The following IAH1 variants were observed in gnomAD, a reference collection of about 807,000 sequenced individuals.
IAH1 encodes isoamyl acetate hydrolyzing esterase 1 (putative), also known as isoamyl acetate-hydrolyzing esterase 1 homolog.
A neutral mutation model predicts 26.7 loss-of-function variants in IAH1; 24 were observed. The observed-to-expected ratio is 0.90, with a 90% CI of 0.65 to 1.26. The LOEUF (loss-of-function observed/expected upper bound fraction) is 1.26, where lower values mean the gene tolerates loss of function less well. Ranked by LOEUF, IAH1 falls within the 50% of genes most tolerant of loss-of-function variation. IAH1 has a pLI of 0.00. For synonymous variants in IAH1, 140 were observed against 118.5 expected, an observed-to-expected ratio of 1.18 and a Z score of -1.18; for missense variants, 300 against 299.9, an observed-to-expected ratio of 1.00 and a Z score of 0.00.
chr2:9,493,856 T>C, downstream of IAH1: 1 of 1,559,566 alleles, frequency 6.4e-7, no homozygotes, highest in Non-Finnish European at 8.8e-7. Flanking sequence ...TACAGCATCA[T>C]TCCCAAACAC....
At chr2:9,498,902 G>C (rs1662810981), downstream of IAH1, among the ~76,000 whole-genome samples, 1 of 152,144 alleles carries the variant, frequency 6.6e-6, no homozygotes, top group Non-Finnish European at 1.5e-5. Flanking sequence ...TCTGAAAATG[G>C]TATCATCTAT....
At position 9,488,925 on chromosome 2, in the gene IAH1, TG is replaced by T. The variant is rs1661827512; in HGVS notation, c.*598del. 6.6e-6 allele frequency: 1 copy of T among 152,214 alleles called. No individual in the cohort carries two copies. The highest frequency in any genetic ancestry group is 2.1e-4 in the South Asian group (1 of 4,832). The allele number at this position is 152,214 out of a possible 1,614,324, so 9.4% of individuals were successfully genotyped here. A position where few individuals can be genotyped will look rare whatever the true frequency, so the allele number is the denominator to read the frequency against. ...TTCTTAGGGGAAAAAAAGCTTTTAATGGCAATTTATAGAAATCAGAATCCAG... is the reference window on the plus strand; with the variant it reads ...TTCTTAGGGGAAAAAAAGCTTTTAATGCAATTTATAGAAATCAGAATCCAG... On this transcript the variant is annotated 3_prime_UTR_variant, in exon 6 of 6. Transcript: ENST00000497473.
chr2:9,492,902 C>T (rs375942302), downstream of IAH1: 170 of 1,610,136 alleles, frequency 1.1e-4, no homozygotes, highest in Non-Finnish European at 1.4e-4. Context: ...ACTTACCACA[C>T]AATGGACAAG....
At chr2:9,497,235 C>T (rs1312030403), downstream of IAH1, 1 of 1,614,180 alleles carries the variant, frequency 6.2e-7, no homozygotes, top group East Asian at 2.2e-5. Flanking sequence ...GAGGCGGGCA[C>T]TCACTGCTAT....
chr2:9,505,416 T>C, the IAH1 span: 1 of 1,531,212 alleles, frequency 6.5e-7, no homozygotes, highest in Non-Finnish European at 9.0e-7. Flanking sequence ...TAAAAATGTA[T>C]TCCCATGCAA....
intron 3 of IAH1, among the ~76,000 whole-genome samples, chr2:9,479,750 T>C (rs1661045666): frequency 6.7e-6 from 1 of 148,294 alleles, no homozygotes; most frequent in East Asian, 2.1e-4. Flanking sequence ...TAAGGAAATA[T>C]TCAGATACGC....
chr2:9,497,096 G>A (rs746635445), downstream of IAH1: 6 of 1,610,354 alleles, frequency 3.7e-6, no homozygotes, highest in South Asian at 6.6e-5. Context: ...CTGCTGGACT[G>A]GGAATAAAAC....
intron 5 of IAH1, 43 bp from the exon 6 acceptor site, chr2:9,488,104 C>T (rs762642876): frequency 2.5e-5 from 34 of 1,382,006 alleles, no homozygotes; most frequent in South Asian, 1.1e-4. Flanking sequence ...AGCTACCACA[C>T]GTGGCCAGTT....
downstream of IAH1, chr2:9,493,661 A>G: frequency 8.6e-7 from 1 of 1,166,884 alleles, no homozygotes; most frequent in East Asian, 2.4e-5. Context: ...GCAGAATTAA[A>G]GCACATCACT....
chr2:9,481,214 G>C lies in IAH1; in HGVS notation c.284-72G>C. 2.0e-6 allele frequency: 3 copies of C among 1,520,650 alleles called. No individual in the cohort carries two copies. The South Asian group carries it at 3.6e-5, about 18-fold the overall frequency. 94.2% of individuals were successfully genotyped at this position (1,520,650 alleles called of 1,614,324 possible). Reference sequence around the variant, plus strand: ...ACATCATGAATAACAGGCATTTGCAGAAGTGTGTTCACCTGAATTGTCACT... The same window carrying C: ...ACATCATGAATAACAGGCATTTGCACAAGTGTGTTCACCTGAATTGTCACT... On this transcript the variant is annotated intron_variant, in intron 3 of 5. Coordinates refer to ENST00000497473, the MANE Select transcript of IAH1 (RefSeq NM_001039613.3).
downstream of IAH1, among the ~76,000 whole-genome samples, chr2:9,492,481 A>C (rs536750396): frequency 1.2e-4 from 19 of 152,316 alleles, 1 homozygote; most frequent in South Asian, 3.7e-3. Flanking sequence ...AGAAGGCTGA[A>C]GACATAGCCA....
intron 5 of IAH1, chr2:9,486,464 A>AGAT (rs1281086024): frequency 6.6e-6 from 1 of 152,238 alleles, no homozygotes; most frequent in Non-Finnish European, 1.5e-5. Flanking sequence ...CAAACTGCCT[A>AGAT]GATGAGAAAA....
At chr2:9,510,623 C>T in the IAH1 span, among the ~76,000 whole-genome samples, 1 of 150,360 alleles carries the variant, frequency 6.7e-6, no homozygotes, top group Non-Finnish European at 1.5e-5. Context: ...GAGATCACGC[C>T]ATTGCACTCC....
At position 9,488,212 on chromosome 2, in the gene IAH1, G is replaced by A. The variant is rs778638934; in HGVS notation, c.630G>A (p.Ser210=). The A allele has an allele frequency of 9.3e-6, 15 of 1,613,022 alleles. No homozygotes were observed. In the East Asian group the frequency reaches 1.3e-4, roughly 14 times the overall value. ...CAAAGGGGAATGAATTTTTGTTCTC[G>A]CATCTCTGGCCTTTGATAGAGAAAA... is the stretch of plus-strand genomic sequence containing the variant. ...LSPKGNEFLF[S]HLWPLIEKKV... is the part of the protein sequence containing the mutation. The change falls in exon 6 of 6, where the codon TCG becomes TCA. Residue 210 remains serine (S), a synonymous_variant. Transcript: ENST00000497473.
downstream of IAH1, chr2:9,489,903 G>A (rs1278558823): frequency 1.9e-5 from 7 of 366,158 alleles, no homozygotes; most frequent in Admixed American, 1.2e-4. Flanking sequence ...ACCCAATCCA[G>A]CTGTATTTTC....
intron 5 of IAH1, chr2:9,485,096 G>C (rs1283709098): frequency 6.5e-6 from 1 of 152,796 alleles, no homozygotes; most frequent in South Asian, 2.1e-4. Context: ...ATCTGCCCTA[G>C]AGAAATGAAA....
the IAH1 span, among the ~76,000 whole-genome samples, chr2:9,503,991 A>AAAT: frequency 6.6e-6 from 1 of 151,956 alleles, no homozygotes; most frequent in Non-Finnish European, 1.5e-5. Flanking sequence ...CATCTCTATA[A>AAAT]AAAATACAAA....
At chr2:9,499,087 G>A (rs1341453896), downstream of IAH1, among the ~76,000 whole-genome samples, 1 of 146,480 alleles carries the variant, frequency 6.8e-6, no homozygotes, top group Non-Finnish European at 1.5e-5. Context: ...GTTGTGAAAT[G>A]CTAATTGCTT....
chr2:9,478,084 C>A, intron 2 of IAH1, 138 bp from the exon 3 acceptor site: 1 of 680,058 alleles, frequency 1.5e-6, no homozygotes, highest in Non-Finnish European at 2.4e-6. Context: ...TTGCTCCTAT[C>A]AAAGTGAAAC....
Sources: gnomAD v4.1 joint callset for allele counts (sites outside exome capture counted in the v4.1 genomes callset) on GRCh38, gnomAD v4.1.1 for gene constraint, MANE v1.5 for transcripts, NCBI Gene and HGNC (gene_info 2026-07-23, HGNC 2026-07-21) for gene names.